SYNE1: variants seen among roughly 807,000 people sequenced by gnomAD.
The protein encoded by SYNE1 is spectrin repeat containing nuclear envelope protein 1, also known as nesprin-1.
A neutral mutation model predicts 1,111.0 loss-of-function variants in SYNE1; 616 were observed. That is an observed-to-expected ratio of 0.55 (90% CI 0.52 to 0.59). The LOEUF (loss-of-function observed/expected upper bound fraction) is 0.59. Among genes scored for constraint, SYNE1 ranks in the 20% least tolerant of loss-of-function variants. SYNE1 has a pLI of 0.00. For synonymous variants in SYNE1, 3,855 were observed against 3,825.8 expected, an observed-to-expected ratio of 1.01 and a Z score of -0.28; for missense variants, 10,006 against 10,417.0, an observed-to-expected ratio of 0.96 and a Z score of 1.72.
In SYNE1 at chr6:152,225,583, C is replaced by T. The variant is rs930887720; in HGVS notation, c.21351+138G>A. 104 of 1,005,622 alleles carry T rather than the reference C, an allele frequency of 1.0e-4. 1 individual carries two copies. Among genetic ancestry groups the T allele is most frequent in the South Asian group, 7.3e-4 (50 of 68,776 alleles). The allele number at this position is 1,005,622 out of a possible 1,614,324, so 62.3% of individuals were successfully genotyped here. On this transcript the variant is annotated intron_variant, in intron 116 of 145. Transcript: ENST00000367255. ...ACTTTAAAAAAAAAAAAGAGGATAA[C>T]GAAGTGGACTTAAAAGTACAAGGAG...
intron 58 of SYNE1, 30 bp from the exon 59 acceptor site, chr6:152,373,249 A>C: frequency 6.3e-7 from 1 of 1,577,188 alleles, no homozygotes; most frequent in Middle Eastern, 1.7e-4. Flanking sequence ...ATTAGCCATA[A>C]TGAAAATATT....
chr6:152,207,925 G>A (rs199683623), intron 125 of SYNE1, 47 bp downstream of exon 125: 190 of 1,591,982 alleles, frequency 1.2e-4, no homozygotes, highest in African/African-American at 7.6e-4. Context: ...TAAAGTGTGC[G>A]GTGGAAATGC....
intron 98 of SYNE1, among the ~76,000 whole-genome samples, chr6:152,272,370 C>A (rs970021128): frequency 6.6e-6 from 1 of 152,170 alleles, no homozygotes; most frequent in Non-Finnish European, 1.5e-5. Context: ...CTGGGTGGGG[C>A]TACATAAACT....
intron 3 of SYNE1, among the ~76,000 whole-genome samples, chr6:152,573,336 C>A (rs1212894111): frequency 7.4e-6 from 1 of 134,742 alleles, no homozygotes; most frequent in Non-Finnish European, 1.6e-5. Context: ...CCCCCCTCCC[C>A]CCACCCCACA....
chr6:152,628,191 C>A, intron 3 of SYNE1, 74 bp downstream of exon 3: 1 of 1,532,626 alleles, frequency 6.5e-7, no homozygotes, highest in Non-Finnish European at 9.0e-7. Context: ...GAGTAAAACC[C>A]CAAACAAATT....
intron 14 of SYNE1, among the ~76,000 whole-genome samples, chr6:152,473,157 T>C (rs991165227): frequency 6.6e-6 from 1 of 152,166 alleles, no homozygotes; most frequent in Non-Finnish European, 1.5e-5. Context: ...CCCTCACCAA[T>C]TTCTCACATA....
rs1204097969 is a variant in SYNE1 at position 152,239,556 on chromosome 6, C to T, written c.20044G>A (p.Val6682Met). 1.9e-6 allele frequency: 3 copies of T among 1,614,190 alleles called. No individual in the cohort carries two copies. Among genetic ancestry groups the T allele is most frequent in the Admixed American group, 3.3e-5 (2 of 60,026 alleles). The change falls in exon 108 of 146, where the codon GTG becomes ATG. Residue 6682 changes from valine to methionine, a missense_variant. Val to Met is a conservative substitution (Grantham distance 21). Coordinates refer to ENST00000367255, the MANE Select transcript of SYNE1 (RefSeq NM_182961.4). The part of the protein sequence containing the change: ...AVLKRAHKRG[V>M]ELEYILETWS... ...ACCTCTAGAATGTACTCCAGCTCCA[C>T]ACCCCTCTTGTGAGCCCGTTTCAGT...
chr6:152,452,387 G>T (rs191189051), intron 25 of SYNE1, among the ~76,000 whole-genome samples: 140 of 152,136 alleles, frequency 9.2e-4, no homozygotes, highest in African/African-American at 2.1e-3. Flanking sequence ...ATGCTTCAAA[G>T]ACATCTAACA....
rs1439161637 is a variant in SYNE1 at position 152,548,264 on chromosome 6, C to T, written c.68-8243G>A. 7.9e-5 allele frequency among the ~76,000 whole-genome samples: 12 copies of T among 152,308 alleles called. No individual in the cohort carries two copies. The East Asian group carries it at 2.1e-3, about 27-fold the overall frequency. On this transcript the variant is annotated intron_variant, in intron 3 of 145. Transcript: ENST00000367255. Reference sequence around the variant, plus strand: ...ACTCCAAATGAACAGGAGACTGGAACCACAACTTTGTGTGTCTAGGAAGAA... The same window carrying T: ...ACTCCAAATGAACAGGAGACTGGAATCACAACTTTGTGTGTCTAGGAAGAA...
chr6:152,277,632 T>C (rs560765608), intron 98 of SYNE1: 57 of 206,632 alleles, frequency 2.8e-4, no homozygotes, highest in African/African-American at 1.3e-3. Flanking sequence ...GTTATTTCCA[T>C]CAACGTGTAA....
At chr6:152,605,034 GAGGGA>G (rs2099610180) in intron 3 of SYNE1, among the ~76,000 whole-genome samples, 1 of 21,028 alleles carries the variant, frequency 4.8e-5, no homozygotes, top group Non-Finnish European at 1.0e-4. Flanking sequence ...GAGAGAGAGA[GAGGGA>G]GGGAGGGAGG....
chr6:152,634,337 A>G (rs1426122261), intron 2 of SYNE1, among the ~76,000 whole-genome samples: 1 of 152,260 alleles, frequency 6.6e-6, no homozygotes, highest in Non-Finnish European at 1.5e-5. Context: ...CTAAACATGT[A>G]TAAGAATAGC....
intron 87 of SYNE1, among the ~76,000 whole-genome samples, chr6:152,312,784 G>C (rs933672042): frequency 6.6e-6 from 1 of 151,768 alleles, no homozygotes; most frequent in Admixed American, 6.6e-5. Flanking sequence ...ATACATTTGG[G>C]CACATTTTTA....
At chr6:152,461,832 C>T (rs933117834) in intron 20 of SYNE1, 92 bp from the exon 21 acceptor site, 2 of 1,542,670 alleles carry the variant, frequency 1.3e-6, no homozygotes, top group East Asian at 2.3e-5. Context: ...AATCAATATG[C>T]ACTGTATAAA....
intron 32 of SYNE1, among the ~76,000 whole-genome samples, chr6:152,440,587 G>C (rs926318104): frequency 1.1e-4 from 3 of 27,528 alleles, no homozygotes; most frequent in Non-Finnish European, 1.9e-4. Context: ...TTTTTTTTTT[G>C]AGATGGAGTC....
chr6:152,332,735 C>T (rs1160839509), intron 77 of SYNE1, among the ~76,000 whole-genome samples: 1 of 152,124 alleles, frequency 6.6e-6, no homozygotes, highest in East Asian at 1.9e-4. Context: ...ATATTTTTTG[C>T]TTATCATTAG....
chr6:152,620,441 C>G (rs1018314279), intron 3 of SYNE1, among the ~76,000 whole-genome samples: 2 of 152,184 alleles, frequency 1.3e-5, no homozygotes, highest in Non-Finnish European at 2.9e-5. Context: ...CAGTTACATA[C>G]ATATACTCAA....
intron 53 of SYNE1, among the ~76,000 whole-genome samples, chr6:152,389,502 C>G (rs2154130940): frequency 6.6e-6 from 1 of 152,254 alleles, no homozygotes; most frequent in East Asian, 1.9e-4. Flanking sequence ...GAATATGGCT[C>G]TTTTTTACTG....
chr6:152,521,643 T>C (rs973772813), intron 5 of SYNE1, among the ~76,000 whole-genome samples: 2 of 152,176 alleles, frequency 1.3e-5, no homozygotes, highest in Admixed American at 6.6e-5. Context: ...CCTCTGTTCA[T>C]TGGTGATGTG....
Sources: allele counts gnomAD v4.1 joint callset (sites outside exome capture counted in the v4.1 genomes callset), GRCh38; gene constraint gnomAD v4.1.1; transcripts MANE v1.5; gene names NCBI Gene and HGNC (gene_info 2026-07-23, HGNC 2026-07-21).